GPATCH8: variants seen among roughly 807,000 people sequenced by gnomAD.
The protein encoded by GPATCH8 is G-patch domain containing 8, also known as G patch domain-containing protein 8.
In GPATCH8, 18 loss-of-function variants were observed where a neutral mutation model predicts 118.3. That is an observed-to-expected ratio of 0.15 (90% CI 0.11 to 0.23). The LOEUF (loss-of-function observed/expected upper bound fraction) is 0.23, where lower values mean the gene tolerates loss of function less well. Among genes scored for constraint, GPATCH8 ranks in the 10% least tolerant of loss-of-function variants. GPATCH8 has a pLI of 1.00. For synonymous variants in GPATCH8, 659 were observed against 684.7 expected (o/e 0.96, Z 0.59); for missense variants, 1,631 against 1,873.8 (o/e 0.87, Z 2.39).
chr17:44,401,076 G>C lies in GPATCH8; in HGVS notation c.1001C>G (p.Pro334Arg), dbSNP rs1363521786. The C allele has an allele frequency of 6.2e-7, 1 of 1,613,918 alleles. No homozygotes were observed. Among genetic ancestry groups the C allele is most frequent in the Non-Finnish European group, 8.5e-7 (1 of 1,179,990 alleles). Reference protein sequence around the residue: ...EEGTSEDGTKPDEKSSDQGLQ... With the variant: ...EEGTSEDGTKRDEKSSDQGLQ... Reference sequence around the variant, plus strand: ...TCCTTGGTCAGAACTCTTCTCATCGGGTTTTGTTCCATCTTCAGAGGTCCC... The same window carrying C: ...TCCTTGGTCAGAACTCTTCTCATCGCGTTTTGTTCCATCTTCAGAGGTCCC... The change falls in exon 8 of 8, where the codon CCC becomes CGC. Residue 334 changes from proline to arginine, a missense_variant. Coordinates refer to ENST00000591680, the MANE Select transcript of GPATCH8 (RefSeq NM_001002909.4).
rs1395878556 is a variant in GPATCH8, at chr17:44,399,839, T to C, written c.2238A>G (p.Arg746=). Residue 746 remains arginine (R), a synonymous_variant, in exon 8 of 8, where the codon AGA becomes AGG. Transcript: ENST00000591680. Reference sequence around the variant, plus strand: ...GGGAGTCATCTTGAGCTCTCCGCCTTCTTCTTGGTGGTGCGGGACTGCCAC... The same window carrying C: ...GGGAGTCATCTTGAGCTCTCCGCCTCCTTCTTGGTGGTGCGGGACTGCCAC... ...PGSGSPAPPR[R]RRRAQDDSQR... 2 of 1,613,726 alleles carry C rather than the reference T, an allele frequency of 1.2e-6. No homozygotes were observed. The highest frequency in any genetic ancestry group is 1.1e-5 in the South Asian group (1 of 91,026).
Position 44,399,990 on chromosome 17 carries a change from T to G in GPATCH8, c.2087A>C (p.Glu696Ala), listed in dbSNP as rs1033990075. ...KHKRKHKADT[E>A]EKSSKAESGE... ...TGACTCTGCCTTAGAGCTTTTCTCT[T>G]CTGTGTCAGCCTTGTGTTTACGTTT... is the stretch of plus-strand genomic sequence containing the variant. Residue 696 changes from glutamate (E) to alanine (A), a missense_variant, in exon 8 of 8, where the codon GAA becomes GCA. Around this residue, in one of 8 missense-constraint regions of GPATCH8, gnomAD observed 922 missense variants for 879.7 expected, o/e 1.05. Coordinates refer to ENST00000591680, the MANE Select transcript of GPATCH8 (RefSeq NM_001002909.4). 6.2e-7 allele frequency: 1 copy of G among 1,614,054 alleles called. No individual in the cohort carries two copies. Among genetic ancestry groups the G allele is most frequent in the Non-Finnish European group, 8.5e-7 (1 of 1,180,026 alleles).
chr17:44,487,239 A>G (rs1968856267), intron 1 of GPATCH8, among the ~76,000 whole-genome samples: 1 of 152,150 alleles, frequency 6.6e-6, no homozygotes, highest in Non-Finnish European at 1.5e-5. Flanking sequence ...AGGATGTCAT[A>G]TATTTGCAAT....
rs2048901906 is a variant in GPATCH8, at chr17:44,399,133, A to G, written c.2944T>C (p.Trp982Arg). Residue 982 changes from tryptophan (W) to arginine (R), a missense_variant, in exon 8 of 8, where the codon TGG becomes CGG. Trp to Arg is a moderately radical substitution (Grantham distance 101, BLOSUM62 -3). Coordinates refer to ENST00000591680, the MANE Select transcript of GPATCH8 (RefSeq NM_001002909.4). ...RRSRSTTAHS[W>R]QRSRSYSRDR... ...CGGCTATAGCTCCGGCTCCGTTGCC[A>G]GCTGTGGGCTGTGGTGCTACGGCTT... 1 of 1,609,602 alleles carries G rather than the reference A, an allele frequency of 6.2e-7. No homozygotes were observed. The highest frequency in any genetic ancestry group is 1.1e-5 in the South Asian group (1 of 90,956).
At chr17:44,452,417 CACTT>C (rs1462803999) in intron 3 of GPATCH8, among the ~76,000 whole-genome samples, 1 of 150,996 alleles carries the variant, frequency 6.6e-6, no homozygotes, top group Non-Finnish European at 1.5e-5. Flanking sequence ...ACTCAGTAAA[CACTT>C]AATAAATGAT....
chr17:44,489,490 G>A lies in GPATCH8; in HGVS notation c.45+13836C>T, dbSNP rs560821561. 1.9e-3 allele frequency among the ~76,000 whole-genome samples: 290 copies of A among 151,944 alleles called. 1 individual carries two copies. Among genetic ancestry groups the A allele is most frequent in the Middle Eastern group, 3.4e-3 (1 of 294 alleles). On this transcript the variant is annotated intron_variant, in intron 1 of 7. Coordinates refer to ENST00000591680, the MANE Select transcript of GPATCH8 (RefSeq NM_001002909.4). ...CAAGTAGTTGGGATTACAGGCACCC[G>A]CCATCATGCCTGGCTAATTTTTGTA...
intron 2 of GPATCH8, among the ~76,000 whole-genome samples, chr17:44,468,902 C>G (rs1340593831): frequency 6.6e-6 from 1 of 152,046 alleles, no homozygotes; most frequent in Non-Finnish European, 1.5e-5. Flanking sequence ...AGCTGGTTTT[C>G]TACATAATTC....
intron 1 of GPATCH8, among the ~76,000 whole-genome samples, chr17:44,482,272 G>A (rs1055388528): frequency 2.3e-4 from 35 of 151,778 alleles, no homozygotes; most frequent in African/African-American, 7.0e-4. Flanking sequence ...TAATGCGTAC[G>A]GGACTTAAAA....
intron 3 of GPATCH8, among the ~76,000 whole-genome samples, chr17:44,462,859 T>C (rs958753762): frequency 9.9e-5 from 15 of 151,936 alleles, no homozygotes; most frequent in Non-Finnish European, 1.8e-4. Context: ...CAGGCGCCTG[T>C]AGTCCCAGCT....
At position 44,470,334 on chromosome 17, in the gene GPATCH8, A is replaced by G. The variant is rs554094522; in HGVS notation, c.120+4495T>C. Among the ~76,000 whole-genome samples the G allele has an allele frequency of 1.0e-4, 15 of 148,394 alleles. No individual in the cohort carries two copies. The South Asian group carries it at 3.2e-3, about 32-fold the overall frequency. On this transcript the variant is annotated intron_variant, in intron 2 of 7. Coordinates refer to ENST00000591680, the MANE Select transcript of GPATCH8 (RefSeq NM_001002909.4). ...TGCCTCAGCCTCCTGAGTAGCTGGGACTACAGGCGTGTGCCACCACACCCG... is the reference window on the plus strand; with the variant it reads ...TGCCTCAGCCTCCTGAGTAGCTGGGGCTACAGGCGTGTGCCACCACACCCG...
At chr17:44,453,633 C>A (rs1184320780) in intron 3 of GPATCH8, among the ~76,000 whole-genome samples, 1 of 151,962 alleles carries the variant, frequency 6.6e-6, no homozygotes, top group Admixed American at 6.6e-5. Flanking sequence ...TCTCGTGATC[C>A]TCCCACCTAA....
At chr17:44,437,887 C>T (rs1435145455) in intron 3 of GPATCH8, among the ~76,000 whole-genome samples, 2 of 135,152 alleles carry the variant, frequency 1.5e-5, no homozygotes, top group Non-Finnish European at 3.1e-5. Context: ...AGAATTATCA[C>T]AGTAAAAAAA....
chr17:44,406,506 G>GGGCGGT (rs377596219), intron 6 of GPATCH8, among the ~76,000 whole-genome samples: 3 of 69,312 alleles, frequency 4.3e-5, no homozygotes, highest in Non-Finnish European at 9.5e-5. Flanking sequence ...TGGGGGGGGG[G>GGGCGGT]GGTTATTTAA....
rs141982837 is a variant in GPATCH8 at position 44,440,501 on chromosome 17, A to G, written c.194-3956T>C. 2.5e-3 allele frequency among the ~76,000 whole-genome samples: 383 copies of G among 152,286 alleles called. 2 individuals carry two copies. The highest frequency in any genetic ancestry group is 8.7e-3 in the African/African-American group (361 of 41,566). On this transcript the variant is annotated intron_variant, in intron 3 of 7. Coordinates refer to ENST00000591680, the MANE Select transcript of GPATCH8 (RefSeq NM_001002909.4). ...CAGCTCACTGCAGCCTCCACCTTTC[A>G]GGCTCAAGTGATCCTCTTGCTTCAG...
rs117807137 is a variant in GPATCH8 at position 44,456,843 on chromosome 17, T to C, written c.193+7629A>G. 6.5e-4 allele frequency among the ~76,000 whole-genome samples: 99 copies of C among 152,236 alleles called. 3 individuals carry two copies. In the East Asian group the frequency reaches 0.016, roughly 24 times the overall value. The stretch of plus-strand genomic sequence containing the variant: ...GTCTTTTCTCAAACAATTATATTTT[T>C]TGAATAGTAATACAAGTACAGAACA... On this transcript the variant is annotated intron_variant, in intron 3 of 7. Transcript: ENST00000591680.
intron 6 of GPATCH8, among the ~76,000 whole-genome samples, chr17:44,414,424 C>A (rs2049600169): frequency 6.6e-6 from 1 of 152,150 alleles, no homozygotes. Flanking sequence ...CTTCCCACCT[C>A]AGCCTCTCAA....
chr17:44,473,938 C>A (rs1454413727), intron 2 of GPATCH8, among the ~76,000 whole-genome samples: 1 of 152,118 alleles, frequency 6.6e-6, no homozygotes, highest in Admixed American at 6.5e-5. Flanking sequence ...TCTAAATTGC[C>A]TTCTTATTTT....
chr17:44,436,699 T>C lies in GPATCH8; in HGVS notation c.194-154A>G, dbSNP rs1442577427. 5.8e-6 allele frequency: 4 copies of C among 693,192 alleles called. No individual in the cohort carries two copies. In the Admixed American group the frequency reaches 8.2e-5, roughly 14 times the overall value. The allele number at this position is 693,192 out of a possible 1,614,324, so 42.9% of individuals were successfully genotyped here. A position where few individuals can be genotyped will look rare whatever the true frequency, so the allele number is the denominator to read the frequency against. On this transcript the variant is annotated intron_variant, in intron 3 of 7. Transcript: ENST00000591680. ...CACAAGCCATTCTCACAGCTTACAC[T>C]CAAGACCTTCCTTTCCTAGTTTAAA... is the stretch of plus-strand genomic sequence containing the variant.
rs1176282962 is a variant in GPATCH8 at position 44,398,235 on chromosome 17, C to T, written c.3842G>A (p.Ser1281Asn). 6.2e-7 allele frequency: 1 copy of T among 1,612,900 alleles called. No individual in the cohort carries two copies. Among genetic ancestry groups the T allele is most frequent in the Non-Finnish European group, 8.5e-7 (1 of 1,179,226 alleles). The part of the protein sequence containing the change: ...PIAPDLEHFP[S>N]YAPPSGDPSI... ...AGGATCCCCACTGGGAGGTGCATAACTGGGGAAATGCTCAAGGTCTGGTGC... is the reference window on the plus strand; with the variant it reads ...AGGATCCCCACTGGGAGGTGCATAATTGGGGAAATGCTCAAGGTCTGGTGC... Residue 1281 changes from serine to asparagine, a missense_variant, in exon 8 of 8, where the codon AGT (serine) becomes AAT (asparagine). Ser to Asn is a conservative substitution (Grantham distance 46). Transcript: ENST00000591680.
Sources: allele counts gnomAD v4.1 joint callset (sites outside exome capture counted in the v4.1 genomes callset), GRCh38; gene constraint gnomAD v4.1.1; regional missense constraint gnomAD v4.1.1; transcripts MANE v1.5; gene names NCBI Gene and HGNC (gene_info 2026-07-23, HGNC 2026-07-21).